Variants in PPP1R16B observed in about 807,000 individuals in gnomAD.
The protein encoded by PPP1R16B is protein phosphatase 1 regulatory subunit 16B, also known as protein phosphatase 1 regulatory inhibitor subunit 16B.
In PPP1R16B, 14 loss-of-function variants were observed where a neutral mutation model predicts 61.7. The observed-to-expected ratio is 0.23, with a 90% CI of 0.15 to 0.35. The LOEUF (loss-of-function observed/expected upper bound fraction) is 0.35, where lower values mean the gene tolerates loss of function less well. Among genes scored for constraint, PPP1R16B ranks in the 10% least tolerant of loss-of-function variants. The probability of loss-of-function intolerance (pLI) is 1.00; values close to 1 mark genes in which losing one functional copy is unlikely to be tolerated. For missense variants in PPP1R16B, 547 were observed against 752.5 expected (o/e 0.73, Z 3.19); for synonymous variants, 266 against 305.3 (o/e 0.87, Z 1.34).
At chr20:38,894,359 C>G (rs1406974008) in intron 3 of PPP1R16B, among the ~76,000 whole-genome samples, 2 of 152,220 alleles carry the variant, frequency 1.3e-5, no homozygotes, top group African/African-American at 4.8e-5. Flanking sequence ...ACTCTTCTCT[C>G]TATCCCTGTG....
At chr20:38,826,142 G>A (rs1601238650) in intron 1 of PPP1R16B, among the ~76,000 whole-genome samples, 1 of 152,312 alleles carries the variant, frequency 6.6e-6, no homozygotes. Flanking sequence ...GTGTTCGGTA[G>A]CCACAGGTGG....
At chr20:38,889,420 A>T (rs2145760026) in intron 2 of PPP1R16B, among the ~76,000 whole-genome samples, 175 bp from the exon 3 acceptor site, 1 of 152,366 alleles carries the variant, frequency 6.6e-6, no homozygotes, top group African/African-American at 2.4e-5. Context: ...ATAATAAGAT[A>T]GGCAGTGGCA....
chr20:38,881,254 G>A (rs950662393), intron 2 of PPP1R16B, among the ~76,000 whole-genome samples: 1 of 152,218 alleles, frequency 6.6e-6, no homozygotes, highest in African/African-American at 2.4e-5. Flanking sequence ...AGCTATTTCT[G>A]GCTATTTCTG....
chr20:38,809,530 C>T (rs531217367), intron 1 of PPP1R16B, among the ~76,000 whole-genome samples: 8 of 152,154 alleles, frequency 5.3e-5, no homozygotes, highest in South Asian at 4.2e-4. Context: ...GAGAGAGTGA[C>T]GAGCAGATCC....
chr20:38,807,378 G>A (rs937726698), intron 1 of PPP1R16B, among the ~76,000 whole-genome samples: 1 of 152,242 alleles, frequency 6.6e-6, no homozygotes, highest in Admixed American at 6.5e-5. Context: ...GTGCAGCAGA[G>A]CGGGAGGATG....
intron 2 of PPP1R16B, among the ~76,000 whole-genome samples, chr20:38,882,338 T>C (rs1372971125): frequency 1.3e-5 from 2 of 151,996 alleles, no homozygotes; most frequent in East Asian, 3.9e-4. Flanking sequence ...AGGAAGGGTG[T>C]CTGCTCACTC....
At chr20:38,915,242 C>T (rs936874018) in intron 10 of PPP1R16B, among the ~76,000 whole-genome samples, 12 of 152,000 alleles carry the variant, frequency 7.9e-5, no homozygotes, top group East Asian at 1.9e-4. Context: ...GTCATGTGTC[C>T]GTCATGATAG....
At chr20:38,850,315 A>G (rs1355054344) in intron 2 of PPP1R16B, among the ~76,000 whole-genome samples, 2 of 152,110 alleles carry the variant, frequency 1.3e-5, no homozygotes, top group Non-Finnish European at 2.9e-5. Flanking sequence ...TCCCAAACAC[A>G]TGGACTGACA....
At chr20:38,829,238 T>G (rs2084821885) in intron 1 of PPP1R16B, among the ~76,000 whole-genome samples, 1 of 152,240 alleles carries the variant, frequency 6.6e-6, no homozygotes, top group Admixed American at 6.5e-5. Flanking sequence ...TCAGACTTCC[T>G]GCTGGCCACA....
intron 1 of PPP1R16B, among the ~76,000 whole-genome samples, chr20:38,815,694 T>G (rs1333551799): frequency 6.6e-6 from 1 of 152,254 alleles, no homozygotes; most frequent in Non-Finnish European, 1.5e-5. Context: ...CTGACAGATA[T>G]AAAGCAGAAC....
chr20:38,909,260 A>G (rs1429752237), intron 10 of PPP1R16B, among the ~76,000 whole-genome samples: 1 of 152,170 alleles, frequency 6.6e-6, no homozygotes, highest in Non-Finnish European at 1.5e-5. Flanking sequence ...TTGGCTTCCC[A>G]AAGTACTGAG....
intron 10 of PPP1R16B, among the ~76,000 whole-genome samples, chr20:38,915,093 T>C (rs1213172846): frequency 6.6e-6 from 1 of 152,208 alleles, no homozygotes; most frequent in Non-Finnish European, 1.5e-5. Flanking sequence ...TCCCCTGTTA[T>C]TAACAACTAG....
intron 2 of PPP1R16B, among the ~76,000 whole-genome samples, chr20:38,851,773 C>T (rs1188938877): frequency 2.0e-5 from 3 of 152,208 alleles, no homozygotes; most frequent in Non-Finnish European, 4.4e-5. Context: ...GTAATCCCAG[C>T]ACTTTGGGAG....
intron 1 of PPP1R16B, among the ~76,000 whole-genome samples, chr20:38,826,333 CTG>C (rs1275761132): frequency 6.6e-6 from 1 of 152,230 alleles, no homozygotes; most frequent in African/African-American, 2.4e-5. Flanking sequence ...AGCACCGTGA[CTG>C]TGACTGACTA....
At chr20:38,821,997 A>ATT (rs2084776221) in intron 1 of PPP1R16B, among the ~76,000 whole-genome samples, 1 of 139,498 alleles carries the variant, frequency 7.2e-6, no homozygotes, top group Non-Finnish European at 1.5e-5. Context: ...ATATATATTA[A>ATT]TATATATAAT....
rs370123244 is a variant in PPP1R16B at position 38,836,577 on chromosome 20, C to T, written c.250+402C>T. On this transcript the variant is annotated intron_variant, in intron 2 of 10. Coordinates refer to ENST00000299824, the MANE Select transcript of PPP1R16B (RefSeq NM_015568.4). ...CTCATTCTGTTGCCCTGGCTGGTCT[C>T]GAATTCCTGAGCTCAAGTGATCTGC... 1.2e-4 allele frequency among the ~76,000 whole-genome samples: 19 copies of T among 152,272 alleles called. 1 individual carries two copies. The highest frequency in any genetic ancestry group is 3.9e-4 in the East Asian group (2 of 5,186).
At chr20:38,812,698 C>G (rs2084708821) in intron 1 of PPP1R16B, among the ~76,000 whole-genome samples, 1 of 152,126 alleles carries the variant, frequency 6.6e-6, no homozygotes, top group South Asian at 2.1e-4. Flanking sequence ...GAAGGTTCAC[C>G]TGGAGCCTTA....
At chr20:38,881,060 G>A (rs545966311) in intron 2 of PPP1R16B, among the ~76,000 whole-genome samples, 3 of 152,294 alleles carry the variant, frequency 2.0e-5, no homozygotes, top group South Asian at 4.1e-4. Flanking sequence ...CCTGAGGCTT[G>A]GTCCTGGGGA....
At chr20:38,821,609 C>A (rs1246045948) in intron 1 of PPP1R16B, among the ~76,000 whole-genome samples, 3 of 152,248 alleles carry the variant, frequency 2.0e-5, no homozygotes, top group East Asian at 1.9e-4. Flanking sequence ...TTGAAATAAA[C>A]ATATTAGAAC....
Sources: allele counts gnomAD v4.1 joint callset (sites outside exome capture counted in the v4.1 genomes callset), GRCh38; gene constraint gnomAD v4.1.1; transcripts MANE v1.5; gene names NCBI Gene and HGNC (gene_info 2026-07-23, HGNC 2026-07-21).